Variants in ANK2 observed in about 807,000 individuals in gnomAD.
ANK2 encodes the protein ankyrin-2.
Under a neutral mutation model 360.5 loss-of-function variants are expected in ANK2, and 83 were observed. That is an observed-to-expected ratio of 0.23 (90% CI 0.19 to 0.28). ANK2 has a LOEUF of 0.28. ANK2 is among the 10% of genes least tolerant of loss of function. The probability of loss-of-function intolerance (pLI) is 1.00; values close to 1 mark genes in which losing one functional copy is unlikely to be tolerated. For missense variants in ANK2, 4,201 were observed against 4,795.7 expected (o/e 0.88, Z 3.66); for synonymous variants, 1,740 against 1,759.5 (o/e 0.99, Z 0.28).
At chr4:112,768,312 G>T in the ANK2 span, among the ~76,000 whole-genome samples, 1 of 151,926 alleles carries the variant, frequency 6.6e-6, no homozygotes, top group African/African-American at 2.4e-5. Context: ...GGAGTGCAGT[G>T]GCACTATCTT....
chr4:113,233,299 T>C (rs2099344326), intron 5 of ANK2, among the ~76,000 whole-genome samples: 1 of 149,912 alleles, frequency 6.7e-6, no homozygotes, highest in Non-Finnish European at 1.5e-5. Context: ...TACGCCCGGC[T>C]AATTTTTTTG....
At chr4:112,864,926 G>T (rs2069747963) in intron 1 of ANK2, among the ~76,000 whole-genome samples, 1 of 150,602 alleles carries the variant, frequency 6.6e-6, no homozygotes, top group Non-Finnish European at 1.5e-5. Flanking sequence ...CAGCTACTTG[G>T]GAGGCTGAGG....
chr4:113,381,252 A>C (rs2097162826), intron 45 of ANK2, among the ~76,000 whole-genome samples: 2 of 152,220 alleles, frequency 1.3e-5, no homozygotes, highest in South Asian at 4.1e-4. Flanking sequence ...CATTTTAAAA[A>C]AATCTCATGA....
At chr4:113,008,847 C>T (rs1015704016) in intron 2 of ANK2, among the ~76,000 whole-genome samples, 1 of 152,008 alleles carries the variant, frequency 6.6e-6, no homozygotes, top group African/African-American at 2.4e-5. Flanking sequence ...CAGTCCAGTC[C>T]AGCTGTCCCA....
upstream of ANK2, among the ~76,000 whole-genome samples, chr4:113,045,756 A>G (rs2064163272): frequency 6.6e-6 from 1 of 152,138 alleles, no homozygotes; most frequent in Admixed American, 6.6e-5. Context: ...GCCTGCAGCA[A>G]CTCCCTTTTC....
rs1202323327 is a variant in ANK2, at chr4:113,245,216, A to G, written c.891+3007A>G. ...CCTCTTACTAAAGACAAAATCAAGTAGGAGGTAAATACTGAAATCAAGGAC... is the reference window on the plus strand; with the variant it reads ...CCTCTTACTAAAGACAAAATCAAGTGGGAGGTAAATACTGAAATCAAGGAC... On this transcript the variant is annotated intron_variant, in intron 9 of 45. Transcript: ENST00000357077. 5.3e-5 allele frequency among the ~76,000 whole-genome samples: 8 copies of G among 152,326 alleles called. No individual in the cohort carries two copies. The East Asian group carries it at 1.5e-3, about 29-fold the overall frequency.
chr4:113,143,995 C>A (rs72673430), intron 1 of ANK2, among the ~76,000 whole-genome samples: 1 of 152,108 alleles, frequency 6.6e-6, no homozygotes, highest in Admixed American at 6.6e-5. Context: ...CATCATCTTT[C>A]TGAATGCTTT....
At chr4:113,297,171 A>C (rs180845430) in intron 22 of ANK2, among the ~76,000 whole-genome samples, 4 of 152,262 alleles carry the variant, frequency 2.6e-5, no homozygotes, top group Admixed American at 6.5e-5. Flanking sequence ...ACAGCAGGCT[A>C]ACTATAGTTA....
intron 2 of ANK2, among the ~76,000 whole-genome samples, chr4:112,963,753 C>T (rs2035930182): frequency 6.6e-6 from 1 of 152,084 alleles, no homozygotes; most frequent in East Asian, 1.9e-4. Context: ...AACCAAGTCT[C>T]TATAAAATGT....
intron 2 of ANK2, among the ~76,000 whole-genome samples, chr4:112,972,458 C>T (rs996829381): frequency 6.6e-6 from 1 of 152,044 alleles, no homozygotes; most frequent in Non-Finnish European, 1.5e-5. Flanking sequence ...TAGACATCTA[C>T]GTTTGGATGT....
chr4:113,240,774 G>C (rs1024022941), intron 8 of ANK2, among the ~76,000 whole-genome samples, 191 bp downstream of exon 8: 1 of 152,218 alleles, frequency 6.6e-6, no homozygotes, highest in East Asian at 1.9e-4. Context: ...CAGAAAATAA[G>C]AATGTTGTAA....
intron 10 of ANK2, among the ~76,000 whole-genome samples, chr4:113,250,705 A>C: frequency 6.7e-6 from 1 of 149,352 alleles, no homozygotes; most frequent in East Asian, 2.0e-4. Context: ...AAAGTTAGAC[A>C]AAGGGCAGTT....
chr4:112,872,092 T>C (rs905038890), intron 1 of ANK2, among the ~76,000 whole-genome samples: 23 of 151,706 alleles, frequency 1.5e-4, no homozygotes, highest in African/African-American at 4.1e-4. Flanking sequence ...AGAGGTGCAA[T>C]TGTAGCTCAC....
the ANK2 span, among the ~76,000 whole-genome samples, chr4:112,786,389 C>G: frequency 4.7e-5 from 7 of 149,722 alleles, no homozygotes; most frequent in Non-Finnish European, 3.0e-5. Context: ...AACTAACCAC[C>G]AGAATTTTTT....
the ANK2 span, among the ~76,000 whole-genome samples, chr4:112,733,496 AT>A: frequency 6.6e-6 from 1 of 152,230 alleles, no homozygotes; most frequent in East Asian, 1.9e-4. Flanking sequence ...ACATGTACAC[AT>A]TTTTTAATAG....
In ANK2 at chr4:113,201,503, C is replaced by T. The variant is rs2098830026; in HGVS notation, c.384+2394C>T. Among the ~76,000 whole-genome samples the T allele has an allele frequency of 2.6e-5, 4 of 152,172 alleles. No homozygotes were observed. In the South Asian group the frequency reaches 8.3e-4, roughly 32 times the overall value. On this transcript the variant is annotated intron_variant, in intron 4 of 45. Coordinates refer to ENST00000357077, the MANE Select transcript of ANK2 (RefSeq NM_001148.6). ...ACAAGGTATAGATTCAACTACATGA[C>T]TGAATCAATAATGTACTTATACATC...
chr4:113,307,835 A>G (rs1489380294), intron 23 of ANK2, among the ~76,000 whole-genome samples: 1 of 152,224 alleles, frequency 6.6e-6, no homozygotes, highest in Non-Finnish European at 1.5e-5. Context: ...AAAAGCCTGC[A>G]GTACACTGAT....
rs1303634187 is a variant in ANK2, at chr4:113,359,146, G to T, written c.10528G>T (p.Ala3510Ser). The T allele has an allele frequency of 9.3e-6, 15 of 1,613,652 alleles. No homozygotes were observed. The highest frequency in any genetic ancestry group is 1.3e-5 in the Non-Finnish European group (15 of 1,179,724). Residue 3510 changes from alanine (A) to serine (S), a missense_variant, in exon 38 of 46, where the codon GCC (alanine) becomes TCC (serine). Ala to Ser is a moderately conservative substitution (Grantham distance 99). Around this residue, in one of 4 missense-constraint regions of ANK2, gnomAD observed 2,642 missense variants for 2,714.5 expected, o/e 0.97. Transcript: ENST00000357077. ...EIVSDDESSS[A>S]LEVSVIENLP... ...AGTTTCAGACGATGAAAGTAGTAGT[G>T]CCCTGGAAGTATCAGTAATTGAAAA...
the ANK2 span, among the ~76,000 whole-genome samples, chr4:112,807,879 C>T: frequency 2.6e-5 from 4 of 152,260 alleles, no homozygotes; most frequent in East Asian, 1.9e-4. Context: ...TTGCAGATGA[C>T]TAAGTTTTAA....
Sources: gnomAD v4.1 joint callset for allele counts (sites outside exome capture counted in the v4.1 genomes callset) on GRCh38, gnomAD v4.1.1 for gene constraint, gnomAD v4.1.1 regional missense constraint, MANE v1.5 for transcripts, NCBI Gene and HGNC (gene_info 2026-07-23, HGNC 2026-07-21) for gene names.